C4orf17: variants seen among roughly 807,000 people sequenced by gnomAD.
C4orf17 encodes chromosome 4 open reading frame 17.
In C4orf17, 25 loss-of-function variants were observed where a neutral mutation model predicts 32.0. The ratio of observed to expected loss-of-function variants is 0.78; its 90% CI spans 0.57 to 1.09. The LOEUF is 1.09. Among genes scored for constraint, C4orf17 ranks in the 50% least tolerant of loss-of-function variants. The pLI is 0.00. For synonymous variants in C4orf17, 149 were observed against 145.8 expected (o/e 1.02, Z -0.16); for missense variants, 420 against 420.0 (o/e 1.00, Z 0.00).
intron 5 of C4orf17, among the ~76,000 whole-genome samples, chr4:99,536,751 T>C (rs1723568634): frequency 6.6e-6 from 1 of 152,134 alleles, no homozygotes; most frequent in Non-Finnish European, 1.5e-5. Context: ...AACCCTGTGG[T>C]ACAGTGGGAA....
intron 8 of C4orf17, chr4:99,541,224 CA>C: frequency 6.6e-6 from 1 of 152,178 alleles, no homozygotes; most frequent in Non-Finnish European, 1.5e-5. Context: ...TAACCAAACC[CA>C]AAAAAGACAC....
intron 5 of C4orf17, among the ~76,000 whole-genome samples, chr4:99,531,838 T>G (rs1330521401): frequency 7.8e-6 from 1 of 128,614 alleles, no homozygotes; most frequent in African/African-American, 3.7e-5. Flanking sequence ...GGCATTCTAT[T>G]CTTCCATGTT....
intron 4 of C4orf17, among the ~76,000 whole-genome samples, chr4:99,525,871 T>C (rs1723379705): frequency 6.6e-6 from 1 of 152,228 alleles, no homozygotes; most frequent in Admixed American, 6.5e-5. Flanking sequence ...AGATTAAATC[T>C]TTTGTTATGC....
intron 5 of C4orf17, among the ~76,000 whole-genome samples, chr4:99,532,801 A>G (rs1723498011): frequency 6.6e-6 from 1 of 152,218 alleles, no homozygotes; most frequent in Admixed American, 6.5e-5. Context: ...CTTCATTCAT[A>G]GAGGTTATGA....
intron 2 of C4orf17, among the ~76,000 whole-genome samples, chr4:99,517,858 G>A (rs112156630): frequency 3.5e-4 from 53 of 152,242 alleles, no homozygotes; most frequent in African/African-American, 1.2e-3. Flanking sequence ...CTGTCTACTT[G>A]CAAGGCATGG....
chr4:99,534,322 A>G (rs962232404), intron 5 of C4orf17, among the ~76,000 whole-genome samples: 11 of 152,034 alleles, frequency 7.2e-5, no homozygotes, highest in African/African-American at 2.7e-4. Flanking sequence ...ATCTTTTTTC[A>G]TGGCTGCGTA....
chr4:99,522,795 G>A, intron 3 of C4orf17, 86 bp downstream of exon 3: 2 of 1,050,800 alleles, frequency 1.9e-6, no homozygotes, highest in Non-Finnish European at 2.8e-6. Flanking sequence ...TAAAATAGCT[G>A]CAGTGGTTTT....
intron 4 of C4orf17, among the ~76,000 whole-genome samples, chr4:99,527,628 C>G (rs1723412255): frequency 2.0e-5 from 3 of 152,226 alleles, no homozygotes; most frequent in Non-Finnish European, 4.4e-5. Context: ...CTATGAGAAT[C>G]TAATGCCACT....
chr4:99,534,012 T>G (rs144854090), intron 5 of C4orf17, among the ~76,000 whole-genome samples: 1,894 of 152,300 alleles, frequency 0.012, 41 homozygotes, highest in African/African-American at 0.043. Context: ...GGGGTACATG[T>G]GCAGGATGTG....
chr4:99,531,456 C>G (rs1254860078), intron 5 of C4orf17, among the ~76,000 whole-genome samples: 1 of 152,090 alleles, frequency 6.6e-6, no homozygotes, highest in African/African-American at 2.4e-5. Context: ...TGTCATTCTT[C>G]CTTGGGCATA....
intron 2 of C4orf17, among the ~76,000 whole-genome samples, chr4:99,516,551 C>A (rs1250546685): frequency 6.6e-6 from 1 of 152,204 alleles, no homozygotes; most frequent in Non-Finnish European, 1.5e-5. Context: ...GCTGGACTAT[C>A]TGGCTGGTCC....
At chr4:99,537,891 G>A (rs1723587655) in intron 6 of C4orf17, 141 bp downstream of exon 6, 1 of 675,304 alleles carries the variant, frequency 1.5e-6, no homozygotes, top group Admixed American at 2.2e-5. Context: ...CAGTATCAGG[G>A]TGATTACTGT....
chr4:99,525,398 A>C (rs1421684297), intron 4 of C4orf17, among the ~76,000 whole-genome samples: 3 of 152,026 alleles, frequency 2.0e-5, no homozygotes, highest in African/African-American at 7.2e-5. Flanking sequence ...TGTGGTTTTA[A>C]TTTGCATTTT....
chr4:99,535,508 T>G (rs1476877087), intron 5 of C4orf17, among the ~76,000 whole-genome samples: 1 of 152,192 alleles, frequency 6.6e-6, no homozygotes. Context: ...TCTGAGATTC[T>G]TTCCTCCACT....
At chr4:99,518,538 TATATATAGAGAGAG>T (rs1723230328) in intron 2 of C4orf17, among the ~76,000 whole-genome samples, 1 of 72,276 alleles carries the variant, frequency 1.4e-5, no homozygotes, top group African/African-American at 7.7e-5. Context: ...TATATATATA[TATATATAGAGAGAG>T]AGAGAGAGAG....
At chr4:99,511,750 A>G (rs1393675632) in intron 1 of C4orf17, among the ~76,000 whole-genome samples, 3 of 152,182 alleles carry the variant, frequency 2.0e-5, no homozygotes, top group African/African-American at 7.2e-5. Context: ...AAGGTCCCAC[A>G]CCAAAAGAAT....
chr4:99,512,956 C>G, intron 1 of C4orf17, 33 bp from the exon 2 acceptor site: 5 of 918,766 alleles, frequency 5.4e-6, no homozygotes, highest in Non-Finnish European at 8.1e-6. Flanking sequence ...ACAAGAAACT[C>G]TTGTCAGAAT....
At chr4:99,525,653 G>A (rs932466694) in intron 4 of C4orf17, among the ~76,000 whole-genome samples, 12 of 152,034 alleles carry the variant, frequency 7.9e-5, no homozygotes, top group African/African-American at 2.9e-4. Flanking sequence ...AAATTAGTCG[G>A]GCTTGGTGGT....
chr4:99,522,620 A>AC lies in C4orf17; in HGVS notation c.252dup (p.Ser85LeufsTer29), dbSNP rs777999823. The AC allele has an allele frequency of 1.7e-5, 28 of 1,613,770 alleles. No homozygotes were observed. Among genetic ancestry groups the AC allele is most frequent in the Middle Eastern group, 1.6e-4 (1 of 6,080 alleles). On this transcript the variant is annotated frameshift_variant, in exon 3 of 9. Transcript: ENST00000326581. LOFTEE classifies it high-confidence loss of function. ...AGGATACCATTTGCCAATTGCAGTT[A>AC]CCCCTCCAGCACTGCAGTCCAGGAG...
Sources: allele counts gnomAD v4.1 joint callset (sites outside exome capture counted in the v4.1 genomes callset), GRCh38; gene constraint gnomAD v4.1.1; transcripts MANE v1.5; gene names NCBI Gene and HGNC (gene_info 2026-07-23, HGNC 2026-07-21).